Variants in CLCN1 observed in about 807,000 individuals in gnomAD.
CLCN1 encodes the protein chloride voltage-gated channel 1.
A neutral mutation model predicts 114.5 loss-of-function variants in CLCN1; 100 were observed. That is an observed-to-expected ratio of 0.87 (90% CI 0.74 to 1.03). The LOEUF is 1.03. Among genes scored for constraint, CLCN1 ranks in the 50% least tolerant of loss-of-function variants. The pLI, the probability that CLCN1 is intolerant of heterozygous loss-of-function variation, is 0.00. For synonymous variants in CLCN1, 485 were observed against 487.1 expected (o/e 1.00, Z 0.06); for missense variants, 1,188 against 1,250.0 (o/e 0.95, Z 0.75).
At chr7:143,348,675 T>C (rs1290871727) in intron 20 of CLCN1, among the ~76,000 whole-genome samples, 1 of 152,166 alleles carries the variant, frequency 6.6e-6, no homozygotes, top group South Asian at 2.1e-4. Flanking sequence ...ATGGGGGCAG[T>C]ATGGGAATAT....
Position 143,330,762 on chromosome 7 carries a change from G to A in CLCN1, c.854-10G>A. 1.9e-6 allele frequency: 3 copies of A among 1,613,960 alleles called. 1 individual carries two copies. Among genetic ancestry groups the A allele is most frequent in the South Asian group, 2.2e-5 (2 of 91,070 alleles). ...TGGCTGCCCCCAACCACACTTCTGT[G>A]CCCCTGCAGGAGTGCTATTTAGCAT... On this transcript the variant is annotated splice_polypyrimidine_tract_variant and intron_variant, in intron 7 of 22. Transcript: ENST00000343257.
At chr7:143,320,557 C>T in intron 2 of CLCN1, 107 bp from the exon 3 acceptor site, 3 of 351,772 alleles carry the variant, frequency 8.5e-6, no homozygotes, top group Non-Finnish European at 9.7e-6. Context: ...CTGCTTTTCT[C>T]TCTCTCTCTC....
intron 2 of CLCN1, 99 bp from the exon 3 acceptor site, chr7:143,320,565 C>CTCTCTG: frequency 1.4e-6 from 1 of 731,690 alleles, no homozygotes; most frequent in Admixed American, 2.3e-5. Flanking sequence ...CTCTCTCTCT[C>CTCTCTG]TCTCTCTCTC....
chr7:143,339,660 G>T lies in CLCN1; in HGVS notation c.1582+39G>T. On this transcript the variant is annotated intron_variant, in intron 14 of 22. Transcript: ENST00000343257. This position sits in a 1 kb window ranked among gnomAD's most constrained non-coding sequence, Gnocchi z 4.1. ...CCACTTCCCTGTAATCAAACATTGA[G>T]TACTTCAGATCCCCACACTTAAACT... is the stretch of plus-strand genomic sequence containing the variant. 7 of 1,214,212 alleles carry T rather than the reference G, an allele frequency of 5.8e-6. No homozygotes were observed. Among genetic ancestry groups the T allele is most frequent in the Non-Finnish European group, 8.6e-6 (7 of 815,038 alleles). The allele number at this position is 1,214,212 out of a possible 1,614,324, so 75.2% of individuals were successfully genotyped here.
chr7:143,339,702 A>G lies in CLCN1; in HGVS notation c.1582+81A>G. 5 of 883,692 alleles carry G rather than the reference A, an allele frequency of 5.7e-6. No individual in the cohort carries two copies. In the South Asian group the frequency reaches 6.8e-5, roughly 12 times the overall value. 54.7% of individuals were successfully genotyped at this position (883,692 alleles called of 1,614,324 possible). On this transcript the variant is annotated intron_variant, in intron 14 of 22. Transcript: ENST00000343257. The surrounding 1 kb of genome is among the most constrained non-coding windows in gnomAD (Gnocchi z 4.1). ...ACTTAAACTCTCCCATTGGATCTTC[A>G]TTCTAGGCTACACAATACGGTTTTA... is the stretch of plus-strand genomic sequence containing the variant.
chr7:143,317,511 G>A (rs540340337), intron 1 of CLCN1, among the ~76,000 whole-genome samples: 1 of 152,004 alleles, frequency 6.6e-6, no homozygotes, highest in African/African-American at 2.4e-5. Flanking sequence ...GCCTCCCAAA[G>A]TGCTGGAATT....
intron 16 of CLCN1, among the ~76,000 whole-genome samples, 174 bp downstream of exon 16, chr7:143,342,679 A>G (rs1436294897): frequency 6.6e-6 from 1 of 152,180 alleles, no homozygotes; most frequent in African/African-American, 2.4e-5. Context: ...TAAAAATGCA[A>G]TTAAAAGGTC....
chr7:143,345,658 G>T lies in CLCN1; in HGVS notation c.2068G>T (p.Ala690Ser), dbSNP rs1341061140. 2 of 1,565,646 alleles carry T rather than the reference G, an allele frequency of 1.3e-6. No individual in the cohort carries two copies. Among genetic ancestry groups the T allele is most frequent in the Non-Finnish European group, 1.7e-6 (2 of 1,155,870 alleles). The change falls in exon 17 of 23, where the codon GCG becomes TCG. Residue 690 changes from alanine to serine, a missense_variant. By Grantham distance (99) the Ala-to-Ser change is moderately conservative. Transcript: ENST00000343257. Reference protein sequence around the residue: ...KLSELPYDGKARLAGEGLPGA... With the variant: ...KLSELPYDGKSRLAGEGLPGA... Reference sequence around the variant, plus strand: ...GTCGGAGCTGCCTTACGACGGGAAGGCGCGGCTGGCTGGGGAGGGGCTCCC... The same window carrying T: ...GTCGGAGCTGCCTTACGACGGGAAGTCGCGGCTGGCTGGGGAGGGGCTCCC...
chr7:143,319,898 G>A, intron 2 of CLCN1, 23 bp downstream of exon 2: 1 of 1,613,192 alleles, frequency 6.2e-7, no homozygotes, highest in South Asian at 1.1e-5. Context: ...GAGGAATAAA[G>A]AAATCTGGAG....
At chr7:143,325,853 C>A (rs1324042797) in intron 7 of CLCN1, among the ~76,000 whole-genome samples, 1 of 152,106 alleles carries the variant, frequency 6.6e-6, no homozygotes, top group Admixed American at 6.5e-5. Flanking sequence ...AGTTCTGAAA[C>A]CACTGTGGTA....
Position 143,339,715 on chromosome 7 carries a change from C to T in CLCN1, c.1582+94C>T. The T allele has an allele frequency of 1.2e-6, 1 of 831,704 alleles. No homozygotes were observed. The highest frequency in any genetic ancestry group is 2.1e-6 in the Non-Finnish European group (1 of 479,466). 51.5% of individuals were successfully genotyped at this position (831,704 alleles called of 1,614,324 possible). A position where few individuals can be genotyped will look rare whatever the true frequency, so the allele number is the denominator to read the frequency against. On this transcript the variant is annotated intron_variant, in intron 14 of 22. Coordinates refer to ENST00000343257, the MANE Select transcript of CLCN1 (RefSeq NM_000083.3). The surrounding 1 kb of genome is among the most constrained non-coding windows in gnomAD (Gnocchi z 4.1). ...CATTGGATCTTCATTCTAGGCTACA[C>T]AATACGGTTTTAATTTAGTGCTACT... is the stretch of plus-strand genomic sequence containing the variant.
Position 143,324,195 on chromosome 7 carries a change from T to G in CLCN1, c.775-219T>G, listed in dbSNP as rs1013869517. ...CCTAACTTTTATTTCATTTTCTACCTTCTATTTCATTTTGACACTGTGCTA... is the reference window on the plus strand; with the variant it reads ...CCTAACTTTTATTTCATTTTCTACCGTCTATTTCATTTTGACACTGTGCTA... On this transcript the variant is annotated intron_variant, in intron 6 of 22. Transcript: ENST00000343257. The surrounding 1 kb of genome is among the most constrained non-coding windows in gnomAD (Gnocchi z 4.6). Among the ~76,000 whole-genome samples, 2 of 152,202 alleles carry G rather than the reference T, an allele frequency of 1.3e-5. No homozygotes were observed. Among genetic ancestry groups the G allele is most frequent in the Non-Finnish European group, 2.9e-5 (2 of 68,036 alleles).
At chr7:143,341,677 C>T (rs1426919653) in intron 14 of CLCN1, among the ~76,000 whole-genome samples, 1 of 152,048 alleles carries the variant, frequency 6.6e-6, no homozygotes, top group Non-Finnish European at 1.5e-5. Flanking sequence ...ACATCACTAT[C>T]TTCATATTAT....
rs933342820 is a variant in CLCN1 at position 143,321,735 on chromosome 7, A to C, written c.583A>C (p.Lys195Gln). Reference protein sequence around the residue: ...QAVGSGIPEMKTILRGVVLKE... With the variant: ...QAVGSGIPEMQTILRGVVLKE... ...TTTAGGCTCTGGAATCCCCGAAATG[A>C]AGACAATACTTCGTGGGGTTGTCCT... The change falls in exon 5 of 23, where the codon AAG becomes CAG. Residue 195 changes from lysine (K) to glutamine (Q), a missense_variant. Transcript: ENST00000343257. This position sits in a 1 kb window ranked among gnomAD's most constrained non-coding sequence, Gnocchi z 4.2. 1 of 1,614,128 alleles carries C rather than the reference A, an allele frequency of 6.2e-7. No individual in the cohort carries two copies. The highest frequency in any genetic ancestry group is 1.3e-5 in the African/African-American group (1 of 74,936).
chr7:143,336,166 T>C (rs1228071487), intron 12 of CLCN1, among the ~76,000 whole-genome samples: 2 of 152,104 alleles, frequency 1.3e-5, no homozygotes, highest in Non-Finnish European at 2.9e-5. Flanking sequence ...TCTGTTGAAT[T>C]TTTTTTCACT....
At position 143,319,712 on chromosome 7, in the gene CLCN1, A is replaced by C. The variant is rs199840356; in HGVS notation, c.181-43A>C. ...GCTGGCCTCTGTCTATTATTTTTTT[A>C]GTCTTCCACAAGGCAGACACTGATC... On this transcript the variant is annotated intron_variant, in intron 1 of 22. Transcript: ENST00000343257. 1.1e-3 allele frequency: 1,771 copies of C among 1,604,484 alleles called. 2 individuals carry two copies. The highest frequency in any genetic ancestry group is 1.4e-3 in the Non-Finnish European group (1,677 of 1,171,584).
At chr7:143,326,876 A>G (rs1213545154) in intron 7 of CLCN1, among the ~76,000 whole-genome samples, 1 of 152,238 alleles carries the variant, frequency 6.6e-6, no homozygotes, top group East Asian at 1.9e-4. Context: ...TTCATGGTTT[A>G]CTAGATCTAA....
Position 143,339,153 on chromosome 7 carries a change from C to G in CLCN1, c.1402-100C>G. On this transcript the variant is annotated intron_variant, in intron 12 of 22. Coordinates refer to ENST00000343257, the MANE Select transcript of CLCN1 (RefSeq NM_000083.3). The surrounding 1 kb of genome is among the most constrained non-coding windows in gnomAD (Gnocchi z 4.1). The stretch of plus-strand genomic sequence containing the variant: ...GTGACTTTCAGAAGGATCAGCTATC[C>G]CAGGATTTCTGCAGAAAGGAGGATA... The G allele has an allele frequency of 1.2e-6, 1 of 858,652 alleles. No individual in the cohort carries two copies. Among genetic ancestry groups the G allele is most frequent in the Non-Finnish European group, 2.0e-6 (1 of 492,494 alleles). The allele number at this position is 858,652 out of a possible 1,614,324, so 53.2% of individuals were successfully genotyped here. A position where few individuals can be genotyped will look rare whatever the true frequency, so the allele number is the denominator to read the frequency against.
In CLCN1 at chr7:143,316,435, G is replaced by A. The variant is rs371358113; in HGVS notation, c.180+43G>A. Reference sequence around the variant, plus strand: ...GAGAGGGGAGCCATGGATGAGGGGAGACAGTGGTGCCAGAGACTGGTGAAA... The same window carrying A: ...GAGAGGGGAGCCATGGATGAGGGGAAACAGTGGTGCCAGAGACTGGTGAAA... On this transcript the variant is annotated intron_variant, in intron 1 of 22. Transcript: ENST00000343257. 2.1e-5 allele frequency: 32 copies of A among 1,560,030 alleles called. No individual in the cohort carries two copies. The African/African-American group carries it at 4.1e-4, about 20-fold the overall frequency.
Sources: allele counts gnomAD v4.1 joint callset (sites outside exome capture counted in the v4.1 genomes callset), GRCh38; gene constraint gnomAD v4.1.1; non-coding constraint Gnocchi (gnomAD v3.1); transcripts MANE v1.5; gene names NCBI Gene and HGNC (gene_info 2026-07-23, HGNC 2026-07-21).